Variants in PALS2 observed in about 807,000 individuals in gnomAD.
PALS2 encodes the protein protein associated with LIN7 2, MAGUK p55 family member.
PALS2 carries 27 observed loss-of-function variants against 61.6 expected under a neutral mutation model. That is an observed-to-expected ratio of 0.44 (90% CI 0.32 to 0.60). The LOEUF (loss-of-function observed/expected upper bound fraction) is 0.60, where lower values mean the gene tolerates loss of function less well. Ranked by LOEUF, PALS2 falls within the 20% of genes least tolerant of loss-of-function variation. PALS2 has a pLI of 0.05. For missense variants in PALS2, 554 were observed against 639.4 expected (o/e 0.87, Z 1.44); for synonymous variants, 236 against 218.6 (o/e 1.08, Z -0.70).
At chr7:24,624,605 C>CTTCTT (rs1554302487) in intron 2 of PALS2, among the ~76,000 whole-genome samples, 23 of 86,398 alleles carry the variant, frequency 2.7e-4, no homozygotes, top group African/African-American at 3.9e-4. Flanking sequence ...GCAGATTCTT[C>CTTCTT]TTTTTTTTTT....
intron 1 of PALS2, among the ~76,000 whole-genome samples, chr7:24,605,398 C>T (rs1184087982): frequency 6.6e-6 from 1 of 152,078 alleles, no homozygotes; most frequent in Non-Finnish European, 1.5e-5. Context: ...TTCATATGTA[C>T]TAATGTGAAA....
chr7:24,573,533 C>G lies in PALS2; in HGVS notation c.-63C>G, dbSNP rs1224101685. 5.2e-6 allele frequency: 2 copies of G among 387,356 alleles called. No individual in the cohort carries two copies. The highest frequency in any genetic ancestry group is 3.7e-5 in the East Asian group (1 of 27,360). The allele number at this position is 387,356 out of a possible 1,614,324, so 24.0% of individuals were successfully genotyped here. A position where few individuals can be genotyped will look rare whatever the true frequency, so the allele number is the denominator to read the frequency against. ...GCCTGTGGCTGAGGGAGAGCAGCGG[C>G]GGCGGGGAGCGACCGGGAGCGGCGG... On this transcript the variant is annotated 5_prime_UTR_variant, in exon 1 of 12. Transcript: ENST00000222644. This position sits in a 1 kb window ranked among gnomAD's most constrained non-coding sequence, Gnocchi z 5.3.
At chr7:24,583,662 A>AT (rs11407533) in intron 1 of PALS2, among the ~76,000 whole-genome samples, 54,125 of 143,530 alleles carry the variant, frequency 0.38, 12,788 homozygotes, top group East Asian at 0.75. Context: ...TATTTATTTA[A>AT]TTTTTTTTTT....
At position 24,596,830 on chromosome 7, in the gene PALS2, A is replaced by G. The variant is rs1459098599; in HGVS notation, c.-3+23237A>G. Among the ~76,000 whole-genome samples the G allele has an allele frequency of 6.6e-6, 1 of 152,166 alleles. No individual in the cohort carries two copies. Among genetic ancestry groups the G allele is most frequent in the East Asian group, 1.9e-4 (1 of 5,196 alleles). The stretch of plus-strand genomic sequence containing the variant: ...GTGGGGAGAGATTGGGGATTAGTAT[A>G]CCAGTTAAGAGGCTTTTAAAGTAGT... On this transcript the variant is annotated intron_variant, in intron 1 of 11. Transcript: ENST00000222644. The surrounding 1 kb of genome is among the most constrained non-coding windows in gnomAD (Gnocchi z 4.5).
At chr7:24,626,937 C>T (rs546325402) in intron 2 of PALS2, among the ~76,000 whole-genome samples, 9 of 152,250 alleles carry the variant, frequency 5.9e-5, no homozygotes, top group Admixed American at 2.6e-4. Flanking sequence ...TTTAACACCC[C>T]ACCGTCAATA....
intron 3 of PALS2, among the ~76,000 whole-genome samples, chr7:24,645,500 T>G (rs544910684): frequency 6.6e-6 from 1 of 152,352 alleles, no homozygotes; most frequent in East Asian, 1.9e-4. Context: ...ACCAGTATCA[T>G]GCTGTTTTGG....
chr7:24,626,422 C>G (rs1177970296), intron 2 of PALS2, among the ~76,000 whole-genome samples: 1 of 152,142 alleles, frequency 6.6e-6, no homozygotes, highest in African/African-American at 2.4e-5. Context: ...AAACCCTATA[C>G]TTTTGCATTT....
At chr7:24,648,020 G>A (rs140731848) in intron 3 of PALS2, among the ~76,000 whole-genome samples, 10 of 152,236 alleles carry the variant, frequency 6.6e-5, no homozygotes, top group East Asian at 3.9e-4. Context: ...ACTAAGCAGC[G>A]CAGGTTAGCA....
At chr7:24,601,247 T>C (rs1783710227) in intron 1 of PALS2, among the ~76,000 whole-genome samples, 1 of 152,210 alleles carries the variant, frequency 6.6e-6, no homozygotes, top group Non-Finnish European at 1.5e-5. Context: ...GATTAGTATT[T>C]GTTAGCAGAT....
chr7:24,628,660 A>G (rs1784855424), intron 2 of PALS2, among the ~76,000 whole-genome samples: 1 of 152,170 alleles, frequency 6.6e-6, no homozygotes, highest in African/African-American at 2.4e-5. Flanking sequence ...AGGATACAAA[A>G]TCAGCGCGCA....
intron 11 of PALS2, among the ~76,000 whole-genome samples, chr7:24,681,287 A>G (rs1787913624): frequency 2.6e-5 from 4 of 152,272 alleles, no homozygotes; most frequent in Middle Eastern, 3.4e-3. Flanking sequence ...ATGAGTCCCT[A>G]TGCCGATCGC....
In PALS2 at chr7:24,687,970, G is replaced by GTGATAA. The variant is rs2128038704; in HGVS notation, c.*360_*365dup. The GTGATAA allele has an allele frequency of 6.2e-6, 1 of 161,070 alleles. No homozygotes were observed. The highest frequency in any genetic ancestry group is 2.0e-4 in the South Asian group (1 of 4,968). 10.0% of individuals were successfully genotyped at this position (161,070 alleles called of 1,614,324 possible). On this transcript the variant is annotated 3_prime_UTR_variant, in exon 12 of 12. Transcript: ENST00000222644. The surrounding 1 kb of genome is among the most constrained non-coding windows in gnomAD (Gnocchi z 4.5). ...CTAACATTGGTCTCATATTTTCACT[G>GTGATAA]TGATAATGAATATTACTTGAAATAG...
intron 1 of PALS2, among the ~76,000 whole-genome samples, chr7:24,601,987 T>A (rs1231644793): frequency 1.3e-5 from 2 of 152,186 alleles, no homozygotes; most frequent in Non-Finnish European, 2.9e-5. Flanking sequence ...AAATGTTAAA[T>A]ATTTCATTAT....
At chr7:24,669,788 C>G (rs1324852843) in intron 9 of PALS2, among the ~76,000 whole-genome samples, 1 of 152,158 alleles carries the variant, frequency 6.6e-6, no homozygotes, top group African/African-American at 2.4e-5. Flanking sequence ...TGTAAATCTT[C>G]TGATTCTACT....
chr7:24,611,228 C>G (rs1273030557), intron 1 of PALS2, among the ~76,000 whole-genome samples: 1 of 151,968 alleles, frequency 6.6e-6, no homozygotes. Context: ...GTATTGTAGA[C>G]AGCTAGAAAT....
intron 5 of PALS2, among the ~76,000 whole-genome samples, chr7:24,655,240 A>G (rs1245414883): frequency 6.6e-6 from 1 of 152,222 alleles, no homozygotes; most frequent in African/African-American, 2.4e-5. Flanking sequence ...ATTCTTACGT[A>G]TGTACAGCTG....
chr7:24,599,762 C>T (rs1783651471), intron 1 of PALS2, among the ~76,000 whole-genome samples: 2 of 152,058 alleles, frequency 1.3e-5, no homozygotes, highest in African/African-American at 4.8e-5. Context: ...GCCTCAGCCT[C>T]CCAAAGTGCC....
chr7:24,678,768 A>T (rs906099091), intron 9 of PALS2, among the ~76,000 whole-genome samples: 1 of 152,188 alleles, frequency 6.6e-6, no homozygotes, highest in Admixed American at 6.5e-5. Flanking sequence ...GATTTTAAGA[A>T]GCATATTTTT....
At chr7:24,634,606 A>G (rs979171125) in intron 2 of PALS2, among the ~76,000 whole-genome samples, 10 of 152,282 alleles carry the variant, frequency 6.6e-5, no homozygotes, top group South Asian at 2.1e-4. Context: ...TTGGTCTTAT[A>G]TGTAAGAATC....
Sources: gnomAD v4.1 joint callset for allele counts (sites outside exome capture counted in the v4.1 genomes callset) on GRCh38, gnomAD v4.1.1 for gene constraint, Gnocchi (gnomAD v3.1) non-coding constraint, MANE v1.5 for transcripts, NCBI Gene and HGNC (gene_info 2026-07-23, HGNC 2026-07-21) for gene names.